Variants in KDM2B observed in about 807,000 individuals in gnomAD.
KDM2B encodes the protein lysine-specific demethylase 2B.
In KDM2B, 26 loss-of-function variants were observed where a neutral mutation model predicts 150.0. That is an observed-to-expected ratio of 0.17 (90% CI 0.13 to 0.24). KDM2B has a LOEUF of 0.24. Among genes scored for constraint, KDM2B ranks in the 10% least tolerant of loss-of-function variants. The pLI, the probability that KDM2B is intolerant of heterozygous loss-of-function variation, is 1.00. For missense variants in KDM2B, 1,265 were observed against 1,816.9 expected (o/e 0.70, Z 5.52); for synonymous variants, 734 against 729.5 (o/e 1.01, Z -0.10).
chr12:121,443,617 T>G lies in KDM2B; in HGVS notation c.2565+63A>C, dbSNP rs1374184385. 5.4e-6 allele frequency: 5 copies of G among 922,596 alleles called. No individual in the cohort carries two copies. The African/African-American group carries it at 6.6e-5, about 12-fold the overall frequency. 57.2% of individuals were successfully genotyped at this position (922,596 alleles called of 1,614,324 possible). On this transcript the variant is annotated intron_variant, in intron 17 of 22. Transcript: ENST00000377071. ...GGGGTGGAGGACCAGCGGGGTGGGG[T>G]GGGGGACAGCCCAGGACTCGCCAGT...
chr12:121,517,551 C>T (rs1425463717), intron 9 of KDM2B, among the ~76,000 whole-genome samples: 1 of 151,694 alleles, frequency 6.6e-6, no homozygotes, highest in Admixed American at 6.6e-5. Flanking sequence ...ACACTGTAAC[C>T]TCTGCCTACT....
intron 8 of KDM2B, among the ~76,000 whole-genome samples, chr12:121,523,445 C>T (rs1302564250): frequency 1.3e-5 from 2 of 152,242 alleles, no homozygotes; most frequent in Non-Finnish European, 2.9e-5. Flanking sequence ...GCTGTCCCCT[C>T]CTCTCCCAGC....
At chr12:121,416,197 G>T in the KDM2B span, 1 of 1,614,102 alleles carries the variant, frequency 6.2e-7, no homozygotes, top group Non-Finnish European at 8.5e-7. Context: ...GCTGTGGGCT[G>T]CTGAATGAAG....
At chr12:121,554,642 C>T (rs1889767430) in intron 4 of KDM2B, among the ~76,000 whole-genome samples, 1 of 152,016 alleles carries the variant, frequency 6.6e-6, no homozygotes, top group Non-Finnish European at 1.5e-5. Context: ...AACTCCTGAC[C>T]TCAGGTGATC....
intron 13 of KDM2B, among the ~76,000 whole-genome samples, chr12:121,449,631 G>A (rs781869545): frequency 4.6e-5 from 7 of 152,134 alleles, no homozygotes; most frequent in Admixed American, 2.0e-4. Flanking sequence ...AAAGACAGTC[G>A]CGGGTTCATT....
intron 4 of KDM2B, among the ~76,000 whole-genome samples, chr12:121,568,484 C>T (rs1384411728): frequency 3.9e-5 from 6 of 151,990 alleles, no homozygotes; most frequent in Admixed American, 3.3e-4. Flanking sequence ...AACAAAATCA[C>T]ACACACATAC....
chr12:121,433,174 A>C (rs1294970655), intron 22 of KDM2B: 1 of 456,732 alleles, frequency 2.2e-6, no homozygotes, highest in Non-Finnish European at 4.4e-6. Flanking sequence ...ATATTCCCCA[A>C]AACTGGAGCC....
At position 121,518,322 on chromosome 12, in the gene KDM2B, C is replaced by A. The variant is rs981650790; in HGVS notation, c.1047+2663G>T. 1.3e-5 allele frequency among the ~76,000 whole-genome samples: 2 copies of A among 152,222 alleles called. No homozygotes were observed. The highest frequency in any genetic ancestry group is 6.5e-5 in the Admixed American group (1 of 15,278). Reference sequence around the variant, plus strand: ...GGTTCCAGAATTCTCTCCCCAGTGCCTTTTGTCTGCCTTGGCTCCTAAGGC... The same window carrying A: ...GGTTCCAGAATTCTCTCCCCAGTGCATTTTGTCTGCCTTGGCTCCTAAGGC... On this transcript the variant is annotated intron_variant, in intron 9 of 22. Coordinates refer to ENST00000377071, the MANE Select transcript of KDM2B (RefSeq NM_032590.5). This position sits in a 1 kb window ranked among gnomAD's most constrained non-coding sequence, Gnocchi z 4.4.
Position 121,467,296 on chromosome 12 carries a change from G to A in KDM2B, c.1735-13952C>T. 3.0e-6 allele frequency: 3 copies of A among 984,510 alleles called. No individual in the cohort carries two copies. The highest frequency in any genetic ancestry group is 3.6e-6 in the Non-Finnish European group (3 of 830,188). The allele number at this position is 984,510 out of a possible 1,614,324, so 61.0% of individuals were successfully genotyped here. A position where few individuals can be genotyped will look rare whatever the true frequency, so the allele number is the denominator to read the frequency against. On this transcript the variant is annotated intron_variant, in intron 12 of 22. Transcript: ENST00000377071. The surrounding 1 kb of genome is among the most constrained non-coding windows in gnomAD (Gnocchi z 5.1). ...CGCCCGCCCGGAGCAGGCTCGGCTC[G>A]CCCTGGCTCGGGCTCGGGCTCGGGC...
chr12:121,525,720 C>A (rs183200955), intron 8 of KDM2B, among the ~76,000 whole-genome samples: 25 of 152,276 alleles, frequency 1.6e-4, no homozygotes, highest in South Asian at 1.5e-3. Flanking sequence ...ATAGATGGAT[C>A]GTCTGAGGCC....
At position 121,453,078 on chromosome 12, in the gene KDM2B, G is replaced by C; in HGVS notation, c.1959+42C>G. 2 of 1,517,320 alleles carry C rather than the reference G, an allele frequency of 1.3e-6. No homozygotes were observed. The highest frequency in any genetic ancestry group is 1.8e-6 in the Non-Finnish European group (2 of 1,126,258). The allele number at this position is 1,517,320 out of a possible 1,614,324, so 94.0% of individuals were successfully genotyped here. ...GTCAGACACGCGGGCCGGCACGCAG[G>C]GGCCTGAATCGAGCGCAGGGCTGGG... On this transcript the variant is annotated intron_variant, in intron 13 of 22. Transcript: ENST00000377071. The surrounding 1 kb of genome is among the most constrained non-coding windows in gnomAD (Gnocchi z 6.4).
chr12:121,495,891 C>T (rs1319634525), intron 11 of KDM2B, among the ~76,000 whole-genome samples: 2 of 151,524 alleles, frequency 1.3e-5, no homozygotes, highest in Admixed American at 6.6e-5. Flanking sequence ...AAATGGGCTG[C>T]GTTGGACGGA....
At chr12:121,494,722 C>G (rs1322360654) in intron 11 of KDM2B, 57 bp from the exon 12 acceptor site, 6 of 1,326,820 alleles carry the variant, frequency 4.5e-6, no homozygotes, top group Non-Finnish European at 6.3e-6. Context: ...TCTCTGAAGA[C>G]AGCTGAACAG....
chr12:121,537,949 T>C lies in KDM2B; in HGVS notation c.684-3359A>G, dbSNP rs1160568873. Among the ~76,000 whole-genome samples the C allele has an allele frequency of 2.7e-5, 4 of 150,070 alleles. No individual in the cohort carries two copies. The South Asian group carries it at 8.3e-4, about 31-fold the overall frequency. On this transcript the variant is annotated intron_variant, in intron 6 of 22. Transcript: ENST00000377071. The surrounding 1 kb of genome is among the most constrained non-coding windows in gnomAD (Gnocchi z 8.7). ...CGGCGGCGGCTCCCGTGCGTCCCCTTCGGCTCCCGGGCGTCCCCTTCGGCT... is the reference window on the plus strand; with the variant it reads ...CGGCGGCGGCTCCCGTGCGTCCCCTCCGGCTCCCGGGCGTCCCCTTCGGCT...
chr12:121,527,294 C>T (rs1398568909), intron 8 of KDM2B, among the ~76,000 whole-genome samples: 4 of 142,752 alleles, frequency 2.8e-5, no homozygotes, highest in African/African-American at 2.6e-5. Context: ...CTGATCTGCC[C>T]GCCTTGGCCT....
intron 4 of KDM2B, among the ~76,000 whole-genome samples, chr12:121,568,726 T>C (rs1010174646): frequency 1.1e-4 from 16 of 152,128 alleles, no homozygotes; most frequent in African/African-American, 3.9e-4. Flanking sequence ...GGGTACTGGT[T>C]ACCCTGATGT....
intron 12 of KDM2B, among the ~76,000 whole-genome samples, chr12:121,466,574 C>CT (rs1555294823): frequency 2.0e-5 from 3 of 151,674 alleles, no homozygotes; most frequent in African/African-American, 7.3e-5. Flanking sequence ...CCCGCGCCGG[C>CT]CCGCGGCTCG....
downstream of KDM2B, among the ~76,000 whole-genome samples, chr12:121,428,670 C>T (rs1198977668): frequency 2.0e-5 from 3 of 152,130 alleles, no homozygotes; most frequent in African/African-American, 4.8e-5. Flanking sequence ...AATATGACAT[C>T]GCCAGCAGGG....
rs541828580 is a variant in KDM2B, at chr12:121,451,171, C to T, written c.1959+1949G>A. 3.9e-5 allele frequency among the ~76,000 whole-genome samples: 6 copies of T among 152,194 alleles called. No homozygotes were observed. The South Asian group carries it at 1.2e-3, about 32-fold the overall frequency. On this transcript the variant is annotated intron_variant, in intron 13 of 22. Transcript: ENST00000377071. Reference sequence around the variant, plus strand: ...CACCTCTGAGACAGCAAGACCAACCCCTCCTCCTCTGCCTACACAATGTGA... The same window carrying T: ...CACCTCTGAGACAGCAAGACCAACCTCTCCTCCTCTGCCTACACAATGTGA...
Sources: gnomAD v4.1 joint callset for allele counts (sites outside exome capture counted in the v4.1 genomes callset) on GRCh38, gnomAD v4.1.1 for gene constraint, Gnocchi (gnomAD v3.1) non-coding constraint, MANE v1.5 for transcripts, NCBI Gene and HGNC (gene_info 2026-07-23, HGNC 2026-07-21) for gene names.